ZPLD1: variants seen among roughly 807,000 people sequenced by gnomAD.
The protein encoded by ZPLD1 is zona pellucida-like domain-containing protein 1.
ZPLD1 carries 34 observed loss-of-function variants against 47.2 expected under a neutral mutation model. The ratio of observed to expected loss-of-function variants is 0.72; its 90% confidence interval spans 0.55 to 0.96. The LOEUF is 0.96. Ranked by LOEUF, ZPLD1 falls within the 40% of genes least tolerant of loss-of-function variation. The pLI, the probability that ZPLD1 is intolerant of heterozygous loss-of-function variation, is 0.00. For missense variants in ZPLD1, 512 were observed against 505.8 expected (o/e 1.01, Z -0.12); for synonymous variants, 176 against 186.2 (o/e 0.95, Z 0.45).
intron 8 of ZPLD1, among the ~76,000 whole-genome samples, chr3:102,419,343 C>T (rs1318048659): frequency 6.6e-6 from 1 of 151,612 alleles, no homozygotes; most frequent in East Asian, 1.9e-4. Context: ...TTTTTCTTTA[C>T]TATTATAATA....
intron 6 of ZPLD1, among the ~76,000 whole-genome samples, chr3:102,391,803 A>G (rs775912059): frequency 1.3e-5 from 2 of 152,190 alleles, no homozygotes; most frequent in African/African-American, 2.4e-5. Flanking sequence ...TTTGTTAGGC[A>G]GCAAGGGATA....
At chr3:102,407,514 C>T (rs1706704523) in intron 7 of ZPLD1, among the ~76,000 whole-genome samples, 2 of 144,136 alleles carry the variant, frequency 1.4e-5, no homozygotes, top group African/African-American at 2.5e-5. Context: ...AATCTATTCT[C>T]TGCTTTAAAT....
chr3:102,395,459 G>A (rs968543003), intron 7 of ZPLD1, among the ~76,000 whole-genome samples: 3 of 152,074 alleles, frequency 2.0e-5, no homozygotes, highest in African/African-American at 7.2e-5. Flanking sequence ...TGCTGGCTTT[G>A]ATGATGGAAA....
At chr3:102,393,117 A>G (rs1706515985) in intron 7 of ZPLD1, among the ~76,000 whole-genome samples, 1 of 152,148 alleles carries the variant, frequency 6.6e-6, no homozygotes, top group African/African-American at 2.4e-5. Context: ...GTATGTTGTA[A>G]TTATATATTG....
At chr3:102,388,241 T>G (rs1256414320) in intron 6 of ZPLD1, among the ~76,000 whole-genome samples, 1 of 152,180 alleles carries the variant, frequency 6.6e-6, no homozygotes, top group African/African-American at 2.4e-5. Flanking sequence ...TCCGAACTAC[T>G]GTAGGTTAGT....
At chr3:102,457,153 A>G (rs1280052673) in intron 5 of ZPLD1, among the ~76,000 whole-genome samples, 1 of 152,226 alleles carries the variant, frequency 6.6e-6, no homozygotes. Flanking sequence ...GGAAATGTGG[A>G]GGCCACATTC....
At chr3:102,465,907 AG>A (rs1197482359) in intron 8 of ZPLD1, among the ~76,000 whole-genome samples, 2 of 152,068 alleles carry the variant, frequency 1.3e-5, no homozygotes, top group South Asian at 4.1e-4. Context: ...GTGGGTGCTG[AG>A]GGGGTCTTAA....
At chr3:102,402,516 G>A (rs979445348) in intron 7 of ZPLD1, among the ~76,000 whole-genome samples, 11 of 151,984 alleles carry the variant, frequency 7.2e-5, no homozygotes, top group African/African-American at 2.7e-4. Context: ...TACAGTAGTA[G>A]AATTAATAAA....
At chr3:102,406,748 T>A (rs1706691951) in intron 7 of ZPLD1, among the ~76,000 whole-genome samples, 1 of 151,958 alleles carries the variant, frequency 6.6e-6, no homozygotes, top group Non-Finnish European at 1.5e-5. Context: ...TAAAATGTTT[T>A]AAAAAGAATG....
chr3:102,407,160 A>T (rs1316915759), intron 7 of ZPLD1, among the ~76,000 whole-genome samples: 2 of 151,352 alleles, frequency 1.3e-5, no homozygotes, highest in Non-Finnish European at 3.0e-5. Context: ...TAGTTAATGG[A>T]TGAAGCTGTG....
At position 102,479,813 on chromosome 3, in the gene ZPLD1, C is replaced by T. The variant is rs572395012; in HGVS notation, c.*2195C>T. The T allele has an allele frequency of 3.3e-5, 5 of 151,974 alleles. No individual in the cohort carries two copies. Among genetic ancestry groups the T allele is most frequent in the East Asian group, 3.9e-4 (2 of 5,186 alleles). 9.4% of individuals were successfully genotyped at this position (151,974 alleles called of 1,614,324 possible). Reference sequence around the variant, plus strand: ...GGTCTGATGACATGTAAAAGATGATCGTTTAATAAAATAATTGTTTAAAAT... The same window carrying T: ...GGTCTGATGACATGTAAAAGATGATTGTTTAATAAAATAATTGTTTAAAAT... On this transcript the variant is annotated 3_prime_UTR_variant, in exon 12 of 12. Transcript: ENST00000466937.
At chr3:102,418,315 A>G (rs373020853) in intron 8 of ZPLD1, 1 of 152,074 alleles carries the variant, frequency 6.6e-6, no homozygotes, top group Non-Finnish European at 1.5e-5. Context: ...AACACACAAG[A>G]CAACCTCCCG....
chr3:102,409,474 G>T (rs1277751649), intron 7 of ZPLD1, among the ~76,000 whole-genome samples: 3 of 151,670 alleles, frequency 2.0e-5, no homozygotes, highest in Non-Finnish European at 4.4e-5. Context: ...ACATATCACT[G>T]CCCAGAATAT....
chr3:102,439,528 T>G (rs918787860), intron 3 of ZPLD1, among the ~76,000 whole-genome samples: 16 of 152,224 alleles, frequency 1.1e-4, no homozygotes, highest in African/African-American at 3.9e-4. Context: ...AAAAATTTGC[T>G]AAGGCAGAGT....
At position 102,479,638 on chromosome 3, in the gene ZPLD1, T is replaced by C. The variant is rs553750693; in HGVS notation, c.*2020T>C. The C allele has an allele frequency of 6.6e-6, 1 of 152,322 alleles. No individual in the cohort carries two copies. Among genetic ancestry groups the C allele is most frequent in the Admixed American group, 6.5e-5 (1 of 15,302 alleles). 9.4% of individuals were successfully genotyped at this position (152,322 alleles called of 1,614,324 possible). On this transcript the variant is annotated 3_prime_UTR_variant, in exon 12 of 12. Coordinates refer to ENST00000466937, the MANE Select transcript of ZPLD1 (RefSeq NM_001329788.2). The stretch of plus-strand genomic sequence containing the variant: ...AATGAGATAAACCAGGTCTGTTTTT[T>C]ACAACTTTGTTCTTATAAATCTGCA...
chr3:102,465,906 GA>G (rs1391713135), intron 8 of ZPLD1, among the ~76,000 whole-genome samples: 1 of 152,110 alleles, frequency 6.6e-6, no homozygotes, highest in Non-Finnish European at 1.5e-5. Flanking sequence ...AGTGGGTGCT[GA>G]GGGGGTCTTA....
chr3:102,469,415 C>A (rs998369019), intron 9 of ZPLD1, among the ~76,000 whole-genome samples: 8 of 152,266 alleles, frequency 5.3e-5, no homozygotes, highest in Admixed American at 3.3e-4. Context: ...AGACAAAAAT[C>A]TTATGGTGCA....
rs147307339 is a variant in ZPLD1 at position 102,416,978 on chromosome 3, AC to A, written c.-156-1080del. Among the ~76,000 whole-genome samples, 610 of 152,024 alleles carry A rather than the reference AC, an allele frequency of 4.0e-3. 3 individuals carry two copies. Among genetic ancestry groups the A allele is most frequent in the African/African-American group, 0.014 (590 of 41,510 alleles). ...GGTTACATTAGATTTAAAATCACTT[AC>A]CATTTAGGGAAAGAGTTTGGTCCAG... On this transcript the variant is annotated intron_variant, in intron 7 of 17. Transcript: ENST00000491959.
At position 102,453,072 on chromosome 3, in the gene ZPLD1, C is replaced by A. The variant is rs773033094; in HGVS notation, c.260C>A (p.Thr87Asn). 1.2e-6 allele frequency: 2 copies of A among 1,614,048 alleles called. No individual in the cohort carries two copies. The highest frequency in any genetic ancestry group is 1.1e-5 in the South Asian group (1 of 91,080). Residue 87 changes from threonine to asparagine, a missense_variant, in exon 4 of 12, where the codon ACC (threonine) becomes AAC (asparagine). By Grantham distance (65) the Thr-to-Asn change is moderately conservative. Coordinates refer to ENST00000466937, the MANE Select transcript of ZPLD1 (RefSeq NM_001329788.2). ...TGCAGAGGGTTCATCAATAACAACA[C>A]CTTTCCAGCAGTGGTCATTTTTATC... is the stretch of plus-strand genomic sequence containing the variant. Reference protein sequence around the residue: ...SHCRGFINNNTFPAVVIFIIN... With the variant: ...SHCRGFINNNNFPAVVIFIIN...
Sources: gnomAD v4.1 joint callset for allele counts (sites outside exome capture counted in the v4.1 genomes callset) on GRCh38, gnomAD v4.1.1 for gene constraint, MANE v1.5 for transcripts, NCBI Gene and HGNC (gene_info 2026-07-23, HGNC 2026-07-21) for gene names.